Variants in PSPC1 observed in about 807,000 individuals in gnomAD.
The protein encoded by PSPC1 is paraspeckle component 1, also known as paraspeckle protein 1.
In PSPC1, 14 loss-of-function variants were observed where a neutral mutation model predicts 51.6. The ratio of observed to expected loss-of-function variants is 0.27; its 90% CI spans 0.18 to 0.42. The LOEUF is 0.42. PSPC1 is among the 10% of genes least tolerant of loss of function. The pLI, the probability that PSPC1 is intolerant of heterozygous loss-of-function variation, is 1.00. For missense variants in PSPC1, 406 were observed against 701.1 expected (o/e 0.58, Z 4.75); for synonymous variants, 193 against 231.9 (o/e 0.83, Z 1.53).
chr13:19,752,967 G>T (rs1886711109), intron 3 of PSPC1, among the ~76,000 whole-genome samples: 1 of 151,964 alleles, frequency 6.6e-6, no homozygotes, highest in Non-Finnish European at 1.5e-5. Context: ...CAGTTTCACA[G>T]GAGTGTAGTG....
At chr13:19,709,097 T>A (rs1881069866) in intron 7 of PSPC1, among the ~76,000 whole-genome samples, 1 of 148,336 alleles carries the variant, frequency 6.7e-6, no homozygotes, top group Admixed American at 6.8e-5. Flanking sequence ...AAGTCGAGGT[T>A]TCAGCAAGCC....
At chr13:19,739,823 G>A (rs1245537502) in intron 5 of PSPC1, among the ~76,000 whole-genome samples, 2 of 150,850 alleles carry the variant, frequency 1.3e-5, no homozygotes, top group East Asian at 1.9e-4. Context: ...TTTAAAAAAG[G>A]TTCCTGAGGA....
chr13:19,733,496 C>T (rs1884383162), intron 5 of PSPC1, among the ~76,000 whole-genome samples: 1 of 152,058 alleles, frequency 6.6e-6, no homozygotes, highest in Non-Finnish European at 1.5e-5. Context: ...CACAGTGACT[C>T]ATGTCTGTAA....
downstream of PSPC1, among the ~76,000 whole-genome samples, chr13:19,701,376 A>T (rs1158961610): frequency 6.6e-6 from 1 of 151,454 alleles, no homozygotes; most frequent in East Asian, 1.9e-4. Context: ...AACTGTAATC[A>T]ATGTTAAAAC....
chr13:19,775,626 C>T (rs1219499919), intron 1 of PSPC1, among the ~76,000 whole-genome samples: 1 of 152,074 alleles, frequency 6.6e-6, no homozygotes, highest in Non-Finnish European at 1.5e-5. Context: ...TTGTTTATTG[C>T]TTTTAACTCA....
chr13:19,776,745 G>GATAC, intron 1 of PSPC1, among the ~76,000 whole-genome samples: 1 of 151,850 alleles, frequency 6.6e-6, no homozygotes, highest in Non-Finnish European at 1.5e-5. Context: ...CTGACCTCAT[G>GATAC]ATACGCCTGC....
intron 6 of PSPC1, among the ~76,000 whole-genome samples, chr13:19,727,565 C>A (rs1883505072): frequency 6.6e-6 from 1 of 152,066 alleles, no homozygotes; most frequent in Non-Finnish European, 1.5e-5. Context: ...AACATTTTCC[C>A]AAGAAGCAAT....
Position 19,696,514 on chromosome 13 carries a change from CAT to C in PSPC1, c.1159-18693_1159-18692del, listed in dbSNP as rs955397416. ...ACACACACACGCACACACACACACA[CAT>C]ACGCACACACACACACATATCTGAC... On this transcript the variant is annotated intron_variant and NMD_transcript_variant, in intron 6 of 7. Coordinates refer to the PSPC1 transcript ENST00000471658. Among the ~76,000 whole-genome samples the C allele has an allele frequency of 8.2e-5, 12 of 147,038 alleles. 1 individual carries two copies. Among genetic ancestry groups the C allele is most frequent in the African/African-American group, 2.0e-4 (8 of 39,608 alleles).
At chr13:19,706,550 C>CA (rs1313978631) in intron 7 of PSPC1, among the ~76,000 whole-genome samples, 2 of 151,932 alleles carry the variant, frequency 1.3e-5, no homozygotes, top group African/African-American at 2.4e-5. Context: ...TAAATGGGGA[C>CA]AACCTGATAA....
chr13:19,750,582 A>C (rs1281992421), intron 4 of PSPC1, among the ~76,000 whole-genome samples: 2 of 152,100 alleles, frequency 1.3e-5, no homozygotes, highest in African/African-American at 4.8e-5. Flanking sequence ...AACATGTAAT[A>C]ATAATCTTAA....
At chr13:19,772,691 G>T in intron 1 of PSPC1, 148 bp from the exon 2 acceptor site, 1 of 678,458 alleles carries the variant, frequency 1.5e-6, no homozygotes, top group Non-Finnish European at 2.4e-6. Context: ...GGTATCACAT[G>T]GTTTTTAACT....
chr13:19,675,978 A>AAAG (rs1362882916), intron 7 of PSPC1: 3 of 152,234 alleles, frequency 2.0e-5, no homozygotes, highest in African/African-American at 7.2e-5. Context: ...AAAATCTATA[A>AAAG]AAGGAGTTAC....
In PSPC1 at chr13:19,772,323, T is replaced by C; in HGVS notation, c.593A>G (p.Lys198Arg). The C allele has an allele frequency of 6.2e-7, 1 of 1,614,206 alleles. No homozygotes were observed. Among genetic ancestry groups the C allele is most frequent in the Non-Finnish European group, 8.5e-7 (1 of 1,180,042 alleles). ...TTTTGCTGCAAACTCTACAAAACCTTTTCCTGTAGCTCTACCGCGATCATC... is the reference window on the plus strand; with the variant it reads ...TTTTGCTGCAAACTCTACAAAACCTCTTCCTGTAGCTCTACCGCGATCATC... ...VVDDRGRATG[K>R]GFVEFAAKPP... The change falls in exon 2 of 9, where the codon AAA becomes AGA. Residue 198 changes from lysine to arginine, a missense_variant. Around this residue, in one of 5 missense-constraint regions of PSPC1, gnomAD observed 180 missense variants for 337.9 expected, o/e 0.53. Transcript: ENST00000338910.
intron 4 of PSPC1, among the ~76,000 whole-genome samples, chr13:19,748,845 C>T (rs535363258): frequency 2.7e-5 from 4 of 150,630 alleles, no homozygotes; most frequent in Non-Finnish European, 5.9e-5. Flanking sequence ...GCCCAGGAAA[C>T]GAAATTTCAA....
chr13:19,759,565 T>A, intron 2 of PSPC1, 147 bp from the exon 3 acceptor site: 1 of 637,772 alleles, frequency 1.6e-6, no homozygotes, highest in East Asian at 2.8e-5. Context: ...TTTGTACTCA[T>A]AAAAATCAGT....
chr13:19,734,733 C>T (rs1461120859), intron 5 of PSPC1, among the ~76,000 whole-genome samples: 2 of 151,970 alleles, frequency 1.3e-5, no homozygotes, highest in Non-Finnish European at 2.9e-5. Context: ...ACCCGGGAGG[C>T]AGAGGTTACA....
rs375416940 is a variant in PSPC1 at position 19,722,631 on chromosome 13, C to T, written c.1158+7608G>A. On this transcript the variant is annotated intron_variant, in intron 6 of 8. Transcript: ENST00000338910. ...CAACACGGTGAAACCCCGTCTCTAC[C>T]AAAAATACAAAAATTAGCTGGGCAT... Among the ~76,000 whole-genome samples the T allele has an allele frequency of 4.8e-3, 717 of 147,838 alleles. 5 individuals carry two copies. Among genetic ancestry groups the T allele is most frequent in the South Asian group, 0.028 (129 of 4,664 alleles).
At chr13:19,756,805 G>A (rs565400943) in intron 3 of PSPC1, among the ~76,000 whole-genome samples, 2 of 151,928 alleles carry the variant, frequency 1.3e-5, no homozygotes, top group East Asian at 2.0e-4. Flanking sequence ...CTAAGAAAGC[G>A]TTTTATGGTT....
In PSPC1 at chr13:19,685,762, T is replaced by C. The variant is rs144563906; in HGVS notation, c.1159-7939A>G. Among the ~76,000 whole-genome samples, 5 of 152,300 alleles carry C rather than the reference T, an allele frequency of 3.3e-5. No homozygotes were observed. The East Asian group carries it at 5.8e-4, about 18-fold the overall frequency. ...TCTAGTTTCCTTTTGTGATCATCTA[T>C]TTATATACCCAAATCCCTAACAAAA... On this transcript the variant is annotated intron_variant and NMD_transcript_variant, in intron 6 of 7. Transcript: ENST00000471658.
Sources: allele counts gnomAD v4.1 joint callset (sites outside exome capture counted in the v4.1 genomes callset), GRCh38; gene constraint gnomAD v4.1.1; regional missense constraint gnomAD v4.1.1; transcripts MANE v1.5; gene names NCBI Gene and HGNC (gene_info 2026-07-23, HGNC 2026-07-21).